Variants in CNTNAP4 observed in about 807,000 individuals in gnomAD.
CNTNAP4 encodes contactin associated protein family member 4, also known as contactin-associated protein-like 4.
In CNTNAP4, 98 loss-of-function variants were observed where a neutral mutation model predicts 148.4. The observed-to-expected ratio is 0.66, with a 90% CI of 0.56 to 0.78. The LOEUF is 0.78. Among genes scored for constraint, CNTNAP4 ranks in the 30% least tolerant of loss-of-function variants. The probability of loss-of-function intolerance (pLI) is 0.00; values close to 1 mark genes in which losing one functional copy is unlikely to be tolerated. For missense variants in CNTNAP4, 1,935 were observed against 1,565.6 expected, an observed-to-expected ratio of 1.24 and a Z score of -3.98; for synonymous variants, 730 against 565.1, an observed-to-expected ratio of 1.29 and a Z score of -4.14.
At position 76,498,711 on chromosome 16, in the gene CNTNAP4, T is replaced by C. The variant is rs1391370245; in HGVS notation, c.2365+17T>C. ...AGGGAGACAGTAAGTGGTTACAATG[T>C]GTTGAAACCGTATTTGAGAAAAGAA... On this transcript the variant is annotated intron_variant, in intron 15 of 23. Transcript: ENST00000611870. 5.7e-6 allele frequency: 9 copies of C among 1,581,306 alleles called. No homozygotes were observed. In the African/African-American group the frequency reaches 1.2e-4, roughly 22 times the overall value.
At chr16:76,478,970 A>G (rs1256770721) in intron 11 of CNTNAP4, among the ~76,000 whole-genome samples, 1 of 152,120 alleles carries the variant, frequency 6.6e-6, no homozygotes, top group African/African-American at 2.4e-5. Flanking sequence ...TTGTATAATT[A>G]TTGGCTAACA....
At chr16:76,388,008 A>G (rs2016657511) in intron 3 of CNTNAP4, among the ~76,000 whole-genome samples, 1 of 152,230 alleles carries the variant, frequency 6.6e-6, no homozygotes, top group Non-Finnish European at 1.5e-5. Context: ...AATATTTGTC[A>G]TTAACGGGTG....
intron 3 of CNTNAP4, among the ~76,000 whole-genome samples, chr16:76,361,487 GCTTT>G (rs905302383): frequency 2.0e-5 from 3 of 152,116 alleles, no homozygotes; most frequent in Admixed American, 6.5e-5. Flanking sequence ...GGCAGAATGT[GCTTT>G]CTTTTTTTTT....
chr16:76,289,080 A>T lies in CNTNAP4; in HGVS notation c.85+11333A>T, dbSNP rs1597087657. Among the ~76,000 whole-genome samples the T allele has an allele frequency of 1.3e-5, 2 of 150,400 alleles. 1 individual carries two copies. The highest frequency in any genetic ancestry group is 1.3e-4 in the Admixed American group (2 of 15,130). On this transcript the variant is annotated intron_variant, in intron 1 of 23. Coordinates refer to ENST00000611870, the MANE Select transcript of CNTNAP4 (RefSeq NM_033401.5). ...TTCCCTCTCACCTTTTAAAAAAAAAATTTATAGCAAATGTAATTTGATAGG... is the reference window on the plus strand; with the variant it reads ...TTCCCTCTCACCTTTTAAAAAAAAATTTTATAGCAAATGTAATTTGATAGG...
chr16:76,496,785 T>TATTCA (rs2082416076), intron 14 of CNTNAP4, among the ~76,000 whole-genome samples: 1 of 152,126 alleles, frequency 6.6e-6, no homozygotes, highest in South Asian at 2.1e-4. Context: ...ATTTACTGAA[T>TATTCA]ATTCAAAAAA....
intron 3 of CNTNAP4, among the ~76,000 whole-genome samples, chr16:76,356,197 A>G (rs2012619502): frequency 6.6e-6 from 1 of 152,162 alleles, no homozygotes; most frequent in Non-Finnish European, 1.5e-5. Flanking sequence ...ATTTACAATT[A>G]GTCAAAATAA....
At chr16:76,363,793 A>G (rs1272926069) in intron 3 of CNTNAP4, among the ~76,000 whole-genome samples, 1 of 152,154 alleles carries the variant, frequency 6.6e-6, no homozygotes, top group Non-Finnish European at 1.5e-5. Flanking sequence ...CTCAATCACA[A>G]GTCAACACAG....
At chr16:76,496,859 T>A (rs2143850780) in intron 14 of CNTNAP4, among the ~76,000 whole-genome samples, 1 of 152,310 alleles carries the variant, frequency 6.6e-6, no homozygotes, top group East Asian at 1.9e-4. Context: ...CTTGGGGTAC[T>A]GATGTTTGAA....
intron 3 of CNTNAP4, among the ~76,000 whole-genome samples, chr16:76,423,407 G>A (rs12931129): frequency 0.35 from 53,254 of 151,922 alleles, 10,989 homozygotes; most frequent in Non-Finnish European, 0.44. Flanking sequence ...TGCAAGATTC[G>A]TTTCTAAAGA....
chr16:76,427,453 G>A lies in CNTNAP4; in HGVS notation c.392G>A (p.Gly131Asp). The A allele has an allele frequency of 6.2e-7, 1 of 1,601,824 alleles. No homozygotes were observed. The highest frequency in any genetic ancestry group is 1.1e-5 in the South Asian group (1 of 88,476). Residue 131 changes from glycine to aspartate, a missense_variant and splice_region_variant, in exon 4 of 24, where the codon GGT becomes GAT. Transcript: ENST00000611870. The part of the protein sequence containing the change: ...KQYRQEDSIW[G>D]FSGNANADSV... ...GTGCTTCTTTCCCTTTTCTTTTAGG[G>A]TTTTTCAGGAAATGCAAATGCAGAC...
chr16:76,475,674 G>C (rs1365387560), intron 10 of CNTNAP4, among the ~76,000 whole-genome samples: 1 of 152,130 alleles, frequency 6.6e-6, no homozygotes, highest in Non-Finnish European at 1.5e-5. Flanking sequence ...TTCGTGTTAT[G>C]TCACTGAGGG....
chr16:76,387,902 A>C (rs1324362558), intron 3 of CNTNAP4, among the ~76,000 whole-genome samples: 1 of 152,234 alleles, frequency 6.6e-6, no homozygotes, highest in Non-Finnish European at 1.5e-5. Context: ...ATGCAAACAC[A>C]GAAGGGATCT....
At position 76,539,713 on chromosome 16, in the gene CNTNAP4, C is replaced by T; in HGVS notation, c.3221-6C>T. 1 of 1,587,804 alleles carries T rather than the reference C, an allele frequency of 6.3e-7. No homozygotes were observed. The highest frequency in any genetic ancestry group is 8.5e-7 in the Non-Finnish European group (1 of 1,171,472). On this transcript the variant is annotated splice_polypyrimidine_tract_variant and splice_region_variant and intron_variant, in intron 19 of 23. Transcript: ENST00000611870. ...CTAAAAGAATCACAATTTTTCCCCA[C>T]TCTAGGAAGTTTGCAGATCAGGTAC...
chr16:76,343,555 G>A (rs1397575814), intron 2 of CNTNAP4, among the ~76,000 whole-genome samples: 3 of 151,958 alleles, frequency 2.0e-5, no homozygotes, highest in African/African-American at 4.8e-5. Context: ...TTTAAATCTC[G>A]GGTTAGGAGA....
chr16:76,319,394 AGAGAGGGAGGGGAG>A (rs1160602491), intron 2 of CNTNAP4, among the ~76,000 whole-genome samples: 5 of 152,016 alleles, frequency 3.3e-5, no homozygotes, highest in African/African-American at 1.2e-4. Flanking sequence ...CTCAAAAGAG[AGAGAGGGAGGGGAG>A]GAGAGGGGAG....
At chr16:76,318,621 A>G (rs1467629406) in intron 2 of CNTNAP4, among the ~76,000 whole-genome samples, 1 of 151,330 alleles carries the variant, frequency 6.6e-6, no homozygotes, top group Admixed American at 6.6e-5. Flanking sequence ...GGAACATCAG[A>G]TTTTCAGTGA....
At chr16:76,513,337 C>T (rs557967842) in intron 15 of CNTNAP4, among the ~76,000 whole-genome samples, 2 of 151,986 alleles carry the variant, frequency 1.3e-5, no homozygotes, top group Non-Finnish European at 2.9e-5. Flanking sequence ...TGAAGTAATC[C>T]TCTAAGAGCA....
intron 12 of CNTNAP4, among the ~76,000 whole-genome samples, chr16:76,481,167 G>A (rs963532824): frequency 2.6e-5 from 4 of 152,210 alleles, no homozygotes; most frequent in Non-Finnish European, 5.9e-5. Flanking sequence ...TCAACCAGTA[G>A]TGCTGGTGGA....
intron 3 of CNTNAP4, among the ~76,000 whole-genome samples, chr16:76,373,115 A>G (rs1438821795): frequency 6.6e-6 from 1 of 152,206 alleles, no homozygotes; most frequent in Non-Finnish European, 1.5e-5. Context: ...ATGTGAATAT[A>G]TTCCATATAA....
Sources: allele counts gnomAD v4.1 joint callset (sites outside exome capture counted in the v4.1 genomes callset), GRCh38; gene constraint gnomAD v4.1.1; transcripts MANE v1.5; gene names NCBI Gene and HGNC (gene_info 2026-07-23, HGNC 2026-07-21).